Variants in ZNF507 observed in about 807,000 individuals in gnomAD.
ZNF507 encodes zinc finger protein 507.
Under a neutral mutation model 80.0 loss-of-function variants are expected in ZNF507, and 29 were observed. That is an observed-to-expected ratio of 0.36 (90% CI 0.27 to 0.49). The LOEUF is 0.49. Ranked by LOEUF, ZNF507 falls within the 20% of genes least tolerant of loss-of-function variation. The pLI, the probability that ZNF507 is intolerant of heterozygous loss-of-function variation, is 0.98. For missense variants in ZNF507, 1,081 were observed against 1,152.2 expected (o/e 0.94, Z 0.90); for synonymous variants, 462 against 422.5 (o/e 1.09, Z -1.15).
intron 2 of ZNF507, among the ~76,000 whole-genome samples, chr19:32,350,716 C>T (rs1012653880): frequency 1.3e-5 from 2 of 152,184 alleles, no homozygotes; most frequent in African/African-American, 4.8e-5. Flanking sequence ...AGTCAGCCTA[C>T]ATGGGTGTTA....
chr19:32,353,471 T>C lies in ZNF507; in HGVS notation c.641T>C (p.Ile214Thr). 2.5e-6 allele frequency: 4 copies of C among 1,614,140 alleles called. No individual in the cohort carries two copies. Among genetic ancestry groups the C allele is most frequent in the Non-Finnish European group, 3.4e-6 (4 of 1,180,028 alleles). The change falls in exon 3 of 7, where the codon ATC becomes ACC. Residue 214 changes from isoleucine (I) to threonine (T), a missense_variant. Physicochemically the swap from Ile to Thr is moderately conservative, Grantham distance 89. Coordinates refer to ENST00000355898, the MANE Select transcript of ZNF507 (RefSeq NM_001136156.2). ...TTERNETIPD[I>T]PVSVDNLQTH... ...GAAAGAAATGAAACCATTCCAGATATCCCAGTAAGTGTGGACAATCTACAG... is the reference window on the plus strand; with the variant it reads ...GAAAGAAATGAAACCATTCCAGATACCCCAGTAAGTGTGGACAATCTACAG...
In ZNF507 at chr19:32,356,673, G is replaced by A. The variant is rs202132449; in HGVS notation, c.2185G>A (p.Ala729Thr). 1.2e-6 allele frequency: 2 copies of A among 1,614,092 alleles called. No individual in the cohort carries two copies. Among genetic ancestry groups the A allele is most frequent in the African/African-American group, 2.7e-5 (2 of 75,026 alleles). The change falls in exon 4 of 7, where the codon GCA (alanine) becomes ACA (threonine). Residue 729 changes from alanine to threonine, a missense_variant. Physicochemically the swap from Ala to Thr is moderately conservative, Grantham distance 58. Transcript: ENST00000355898. ...QHSLPDTLSI[A>T]TSNEPRISSD... ...CAGTCTTCCAGATACCTTGTCAATA[G>A]CAACTTCTAATGAGCCAAGAATTTC...
chr19:32,355,721 C>T (rs550013301), intron 3 of ZNF507, among the ~76,000 whole-genome samples: 66 of 152,090 alleles, frequency 4.3e-4, no homozygotes, highest in African/African-American at 1.5e-3. Flanking sequence ...CTCAGATTAC[C>T]GAGAGCTGGG....
chr19:32,362,130 C>A (rs892223713), intron 5 of ZNF507, among the ~76,000 whole-genome samples: 2 of 152,124 alleles, frequency 1.3e-5, no homozygotes, highest in African/African-American at 4.8e-5. Flanking sequence ...CTCAAGTGTC[C>A]GCCCACCTTG....
In ZNF507 at chr19:32,353,864, G is replaced by C; in HGVS notation, c.1034G>C (p.Gly345Ala). Residue 345 changes from glycine (G) to alanine (A), a missense_variant, in exon 3 of 7, where the codon GGA (glycine) becomes GCA (alanine). Physicochemically the swap from Gly to Ala is moderately conservative, Grantham distance 60. This residue lies in a region of ZNF507 where 614 missense variants were observed against 583.9 expected (regional missense o/e 1.05). Coordinates refer to ENST00000355898, the MANE Select transcript of ZNF507 (RefSeq NM_001136156.2). ...CCTTTAGAACAGAGTGCAGAAAGAG[G>C]AGTACACCTAAGTCAGTCAGTTACC... Reference protein sequence around the residue: ...SSPLEQSAERGVHLSQSVTLD... With the variant: ...SSPLEQSAERAVHLSQSVTLD... The C allele has an allele frequency of 6.2e-7, 1 of 1,614,148 alleles. No homozygotes were observed. The highest frequency in any genetic ancestry group is 8.5e-7 in the Non-Finnish European group (1 of 1,180,034).
At position 32,353,532 on chromosome 19, in the gene ZNF507, G is replaced by A. The variant is rs754688199; in HGVS notation, c.702G>A (p.Met234Ile). 4 of 1,614,164 alleles carry A rather than the reference G, an allele frequency of 2.5e-6. No individual in the cohort carries two copies. The Admixed American group carries it at 6.7e-5, about 27-fold the overall frequency. Residue 234 changes from methionine (M) to isoleucine (I), a missense_variant, in exon 3 of 7, where the codon ATG (methionine) becomes ATA (isoleucine). Met to Ile is a conservative substitution (Grantham distance 10). Transcript: ENST00000355898. ...HTVQTASVAE[M>I]GRRKWYAYEQ... The stretch of plus-strand genomic sequence containing the variant: ...TCCAAACTGCATCTGTGGCAGAAAT[G>A]GGTAGGAGGAAATGGTATGCATACG...
rs201260665 is a variant in ZNF507, at chr19:32,374,188, A to T, written c.2361-8279A>T. 2.2e-4 allele frequency among the ~76,000 whole-genome samples: 32 copies of T among 145,840 alleles called. No homozygotes were observed. The East Asian group carries it at 5.7e-3, about 26-fold the overall frequency. On this transcript the variant is annotated intron_variant, in intron 5 of 6. Transcript: ENST00000355898. Reference sequence around the variant, plus strand: ...GCAAGGAACACACACACACACACACACTCTCTCTCTCTTTCTCTCACTCAT... The same window carrying T: ...GCAAGGAACACACACACACACACACTCTCTCTCTCTCTTTCTCTCACTCAT...
chr19:32,351,028 G>A (rs779542750), intron 2 of ZNF507, among the ~76,000 whole-genome samples: 5 of 152,176 alleles, frequency 3.3e-5, no homozygotes, highest in African/African-American at 9.7e-5. Context: ...ACAGCTGAGC[G>A]TAGAGATCTA....
rs550714234 is a variant in ZNF507 at position 32,370,592 on chromosome 19, C to G, written c.2360+9974C>G. ...TTTAATCGAGTTATTTGTCCTTCTG[C>G]TATTGAGTTATAAGTGTTCTTTATA... On this transcript the variant is annotated intron_variant, in intron 5 of 6. Transcript: ENST00000355898. Among the ~76,000 whole-genome samples the G allele has an allele frequency of 9.2e-5, 14 of 152,246 alleles. No individual in the cohort carries two copies. The East Asian group carries it at 2.1e-3, about 23-fold the overall frequency.
chr19:32,378,075 G>A (rs1008027230), intron 5 of ZNF507, among the ~76,000 whole-genome samples: 1 of 152,098 alleles, frequency 6.6e-6, no homozygotes, highest in Non-Finnish European at 1.5e-5. Flanking sequence ...CAAGTTGGCC[G>A]GGCTTGGTGG....
chr19:32,356,346 G>A (rs747765146), intron 3 of ZNF507, among the ~76,000 whole-genome samples: 1 of 152,054 alleles, frequency 6.6e-6, no homozygotes, highest in Non-Finnish European at 1.5e-5. Flanking sequence ...CAGTAAATAC[G>A]GACACGCCCT....
At position 32,385,659 on chromosome 19, in the gene ZNF507, T is replaced by TA. The variant is rs1165182476; in HGVS notation, c.*2581dup. On this transcript the variant is annotated 3_prime_UTR_variant, in exon 7 of 7. Coordinates refer to ENST00000355898, the MANE Select transcript of ZNF507 (RefSeq NM_001136156.2). Reference sequence around the variant, plus strand: ...GGGAGACCCTGTCTCTACAAGAAATTAAAAATTAGCCAGGCATAGTTGGCA... The same window carrying TA: ...GGGAGACCCTGTCTCTACAAGAAATTAAAAAATTAGCCAGGCATAGTTGGCA... The TA allele has an allele frequency of 6.6e-6, 1 of 152,026 alleles. No individual in the cohort carries two copies. Among genetic ancestry groups the TA allele is most frequent in the Admixed American group, 6.6e-5 (1 of 15,258 alleles). The allele number at this position is 152,026 out of a possible 1,614,324, so 9.4% of individuals were successfully genotyped here.
At chr19:32,350,831 T>C (rs1476835389) in intron 2 of ZNF507, among the ~76,000 whole-genome samples, 2 of 152,176 alleles carry the variant, frequency 1.3e-5, no homozygotes, top group African/African-American at 2.4e-5. Context: ...CATTTAACCA[T>C]TGAACTGACA....
At chr19:32,373,264 C>G (rs751045594) in intron 5 of ZNF507, among the ~76,000 whole-genome samples, 1 of 152,074 alleles carries the variant, frequency 6.6e-6, no homozygotes, top group African/African-American at 2.4e-5. Context: ...CACAAGGTCT[C>G]TGCCCTCATG....
At chr19:32,369,550 T>C (rs1008481741) in intron 5 of ZNF507, among the ~76,000 whole-genome samples, 2 of 152,188 alleles carry the variant, frequency 1.3e-5, no homozygotes, top group African/African-American at 4.8e-5. Flanking sequence ...CGTGGAAATA[T>C]GATTGTTGCT....
rs1169991006 is a variant in ZNF507, at chr19:32,382,777, C to T, written c.2556C>T (p.Pro852=). The T allele has an allele frequency of 3.7e-6, 6 of 1,613,908 alleles. No homozygotes were observed. The highest frequency in any genetic ancestry group is 1.7e-5 in the Admixed American group (1 of 59,984). ...QLKSSEESAD[P]VTGSSENAVS... ...AGAGCAGTGAAGAGAGTGCAGATCC[C>T]GTCACTGGAAGTTCAGAAAATGCAG... is the stretch of plus-strand genomic sequence containing the variant. Residue 852 remains proline, a synonymous_variant, in exon 7 of 7, where the codon CCC becomes CCT. Coordinates refer to ENST00000355898, the MANE Select transcript of ZNF507 (RefSeq NM_001136156.2).
In ZNF507 at chr19:32,353,428, T is replaced by C. The variant is rs764590080; in HGVS notation, c.598T>C (p.Leu200=). The C allele has an allele frequency of 1.2e-6, 2 of 1,614,206 alleles. No homozygotes were observed. The highest frequency in any genetic ancestry group is 4.5e-5 in the East Asian group (2 of 44,890). The change falls in exon 3 of 7, where the codon TTG becomes CTG. Residue 200 remains leucine (L), a synonymous_variant. Coordinates refer to ENST00000355898, the MANE Select transcript of ZNF507 (RefSeq NM_001136156.2). Reference sequence around the variant, plus strand: ...ACAGTGCGTAAGCCCCTCCAGCTCTTTGTGTCGGAAAACCACAGAAAGAAA... The same window carrying C: ...ACAGTGCGTAAGCCCCTCCAGCTCTCTGTGTCGGAAAACCACAGAAAGAAA... ...AQQCVSPSSS[L]CRKTTERNET...
chr19:32,357,714 T>C (rs2145321635), intron 4 of ZNF507: 1 of 152,356 alleles, frequency 6.6e-6, no homozygotes, highest in East Asian at 1.9e-4. Context: ...AAAACAGTTT[T>C]GTTTCCTTTT....
In ZNF507 at chr19:32,370,117, C is replaced by T. The variant is rs117616500; in HGVS notation, c.2360+9499C>T. On this transcript the variant is annotated intron_variant, in intron 5 of 6. Transcript: ENST00000355898. Reference sequence around the variant, plus strand: ...GTGTGCGTGCATACGTGTGTGCGCACGCGCGTGCACGTCACGTTTTCTTTA... The same window carrying T: ...GTGTGCGTGCATACGTGTGTGCGCATGCGCGTGCACGTCACGTTTTCTTTA... Among the ~76,000 whole-genome samples, 29 of 152,320 alleles carry T rather than the reference C, an allele frequency of 1.9e-4. No homozygotes were observed. The East Asian group carries it at 3.7e-3, about 19-fold the overall frequency.
Sources: allele counts gnomAD v4.1 joint callset (sites outside exome capture counted in the v4.1 genomes callset), GRCh38; gene constraint gnomAD v4.1.1; regional missense constraint gnomAD v4.1.1; transcripts MANE v1.5; gene names NCBI Gene and HGNC (gene_info 2026-07-23, HGNC 2026-07-21).